Variants in PDE7B observed in about 807,000 individuals in gnomAD.
PDE7B encodes the protein 3',5'-cyclic-AMP phosphodiesterase 7B.
Under a neutral mutation model 56.2 loss-of-function variants are expected in PDE7B, and 29 were observed. That is an observed-to-expected ratio of 0.52 (90% confidence interval 0.38 to 0.70). PDE7B has a LOEUF of 0.70. Ranked by LOEUF, PDE7B falls within the 30% of genes least tolerant of loss-of-function variation. The pLI is 0.00. For missense variants in PDE7B, 490 were observed against 565.0 expected (o/e 0.87, Z 1.35); for synonymous variants, 197 against 196.9 (o/e 1.00, Z 0.00).
chr6:136,176,457 C>T (rs796199674), intron 9 of PDE7B, among the ~76,000 whole-genome samples: 24 of 152,126 alleles, frequency 1.6e-4, no homozygotes, highest in African/African-American at 5.5e-4. Flanking sequence ...TTTTCAATGT[C>T]AATTACTATA....
chr6:135,934,410 G>A (rs1562444699), intron 1 of PDE7B, among the ~76,000 whole-genome samples: 1 of 151,832 alleles, frequency 6.6e-6, no homozygotes, highest in Non-Finnish European at 1.5e-5. Flanking sequence ...ATTTGTCAGT[G>A]AAAAAAGCTG....
chr6:135,914,082 C>T (rs780475063), intron 1 of PDE7B, among the ~76,000 whole-genome samples: 4 of 152,158 alleles, frequency 2.6e-5, no homozygotes, highest in Non-Finnish European at 4.4e-5. Context: ...TTGTCTGTGG[C>T]TTTAAGCCTT....
intron 1 of PDE7B, among the ~76,000 whole-genome samples, chr6:135,885,487 T>A (rs1464689789): frequency 6.6e-6 from 1 of 152,194 alleles, no homozygotes; most frequent in African/African-American, 2.4e-5. Context: ...AGAAAACCAG[T>A]GCTGATCTCC....
intron 1 of PDE7B, among the ~76,000 whole-genome samples, chr6:135,856,552 C>T (rs1775031168): frequency 6.6e-6 from 1 of 152,116 alleles, no homozygotes; most frequent in South Asian, 2.1e-4. Flanking sequence ...CCTTGCCCTG[C>T]TGGTACAGGG....
chr6:136,182,228 C>A (rs1006392495), intron 11 of PDE7B, among the ~76,000 whole-genome samples: 97 of 152,236 alleles, frequency 6.4e-4, no homozygotes, highest in African/African-American at 2.2e-3. Flanking sequence ...TCATGTGGGG[C>A]CAGAAGTCTC....
intron 2 of PDE7B, among the ~76,000 whole-genome samples, chr6:136,006,345 T>TA (rs1775783051): frequency 6.6e-6 from 1 of 152,036 alleles, no homozygotes; most frequent in South Asian, 2.1e-4. Context: ...CCCTAAAACT[T>TA]AAAGTATAAT....
rs542858278 is a variant in PDE7B at position 135,981,332 on chromosome 6, C to T, written c.82+33808C>T. 3.8e-3 allele frequency among the ~76,000 whole-genome samples: 574 copies of T among 150,520 alleles called. 2 individuals carry two copies. Among genetic ancestry groups the T allele is most frequent in the Middle Eastern group, 0.01 (3 of 292 alleles). ...ATAGCACTGGGAGATATACCTAATGCTAGATGACGAGTTAGAGGGTGCAGC... is the reference window on the plus strand; with the variant it reads ...ATAGCACTGGGAGATATACCTAATGTTAGATGACGAGTTAGAGGGTGCAGC... On this transcript the variant is annotated intron_variant, in intron 2 of 12. Transcript: ENST00000308191.
intron 2 of PDE7B, among the ~76,000 whole-genome samples, chr6:136,101,290 G>C (rs933870424): frequency 6.6e-6 from 1 of 152,196 alleles, no homozygotes; most frequent in Non-Finnish European, 1.5e-5. Flanking sequence ...AAATGAGTTA[G>C]AGAGCATTTC....
chr6:135,912,380 G>T (rs1188697068), intron 1 of PDE7B, among the ~76,000 whole-genome samples: 1 of 152,104 alleles, frequency 6.6e-6, no homozygotes, highest in African/African-American at 2.4e-5. Flanking sequence ...CTTTTTATTA[G>T]GTATTATAAG....
chr6:136,143,652 T>G (rs1778365451), intron 3 of PDE7B, among the ~76,000 whole-genome samples: 1 of 152,264 alleles, frequency 6.6e-6, no homozygotes, highest in African/African-American at 2.4e-5. Flanking sequence ...TGCTGTTTTC[T>G]TCTTTGTTGT....
chr6:136,182,982 G>C (rs529715668), intron 11 of PDE7B, among the ~76,000 whole-genome samples: 2 of 147,066 alleles, frequency 1.4e-5, no homozygotes, highest in African/African-American at 5.1e-5. Flanking sequence ...TGAAGCAAAA[G>C]AATTGCTTGA....
At chr6:135,933,745 A>G (rs78775423) in intron 1 of PDE7B, among the ~76,000 whole-genome samples, 99 of 152,306 alleles carry the variant, frequency 6.5e-4, no homozygotes, top group African/African-American at 2.3e-3. Flanking sequence ...TTGCAATGTC[A>G]GTTTCACAGG....
intron 2 of PDE7B, among the ~76,000 whole-genome samples, chr6:136,080,589 A>C (rs1402923320): frequency 6.6e-6 from 1 of 152,180 alleles, no homozygotes; most frequent in African/African-American, 2.4e-5. Flanking sequence ...AAACTGTCAT[A>C]TCTCTGCTTA....
At chr6:136,129,739 C>T (rs1011614464) in intron 3 of PDE7B, among the ~76,000 whole-genome samples, 1 of 152,178 alleles carries the variant, frequency 6.6e-6, no homozygotes, top group Non-Finnish European at 1.5e-5. Flanking sequence ...TTCTCTTTGG[C>T]CATTCTAAAA....
At position 136,057,645 on chromosome 6, in the gene PDE7B, T is replaced by C. The variant is rs117784141; in HGVS notation, c.83-51086T>C. ...TTTTTGAGTTGTCAATTATTCATGG[T>C]ATGAATGGCCACTTAAGTCAAAAAC... On this transcript the variant is annotated intron_variant, in intron 2 of 12. Coordinates refer to ENST00000308191, the MANE Select transcript of PDE7B (RefSeq NM_018945.4). Among the ~76,000 whole-genome samples, 68 of 152,352 alleles carry C rather than the reference T, an allele frequency of 4.5e-4. No homozygotes were observed. The East Asian group carries it at 8.1e-3, about 18-fold the overall frequency.
At chr6:135,991,328 G>A (rs1156954470) in intron 2 of PDE7B, among the ~76,000 whole-genome samples, 3 of 152,110 alleles carry the variant, frequency 2.0e-5, no homozygotes, top group South Asian at 2.1e-4. Flanking sequence ...TGACAGTAAT[G>A]CATGTGTTGA....
At chr6:135,945,850 A>G (rs1326730213) in intron 1 of PDE7B, among the ~76,000 whole-genome samples, 1 of 152,204 alleles carries the variant, frequency 6.6e-6, no homozygotes, top group East Asian at 1.9e-4. Flanking sequence ...ACAGGTGCAG[A>G]GATGTATTGT....
intron 2 of PDE7B, among the ~76,000 whole-genome samples, chr6:136,055,159 A>G (rs1440968442): frequency 6.6e-6 from 1 of 152,232 alleles, no homozygotes; most frequent in African/African-American, 2.4e-5. Flanking sequence ...CATTTCTGCT[A>G]TCTAAAAGGG....
rs75832263 is a variant in PDE7B, at chr6:136,181,273, A to G, written c.995A>G (p.Glu332Gly). 899 of 1,613,882 alleles carry G rather than the reference A, an allele frequency of 5.6e-4. 7 individuals are homozygous for G. The South Asian group carries it at 6.8e-3, about 12-fold the overall frequency. The change falls in exon 11 of 13, where the codon GAG becomes GGG. Residue 332 changes from glutamate to glycine, a missense_variant. Glu to Gly is a moderately conservative substitution (Grantham distance 98, BLOSUM62 -2). Transcript: ENST00000308191. Reference sequence around the variant, plus strand: ...ATTTGCAATCCTTGTAGAATCTGGGAGATGAGCAAGCAGTGGAGTGAAAGG... The same window carrying G: ...ATTTGCAATCCTTGTAGAATCTGGGGGATGAGCAAGCAGTGGAGTGAAAGG... ...ADICNPCRIW[E>G]MSKQWSERVC...
Sources: allele counts gnomAD v4.1 joint callset (sites outside exome capture counted in the v4.1 genomes callset), GRCh38; gene constraint gnomAD v4.1.1; transcripts MANE v1.5; gene names NCBI Gene and HGNC (gene_info 2026-07-23, HGNC 2026-07-21).